Variants in IL6ST observed in about 807,000 individuals in gnomAD.
IL6ST encodes interleukin 6 cytokine family signal transducer.
A neutral mutation model predicts 91.3 loss-of-function variants in IL6ST; 24 were observed. The observed-to-expected ratio is 0.26, with a 90% CI of 0.19 to 0.37. IL6ST has a LOEUF of 0.37. IL6ST is among the 10% of genes least tolerant of loss of function. The probability of loss-of-function intolerance (pLI) is 1.00; values close to 1 mark genes in which losing one functional copy is unlikely to be tolerated. For missense variants in IL6ST, 914 were observed against 1,078.5 expected (o/e 0.85, Z 2.14); for synonymous variants, 351 against 373.6 (o/e 0.94, Z 0.70).
chr5:55,962,132 G>A (rs1410965202), intron 7 of IL6ST, among the ~76,000 whole-genome samples: 1 of 152,128 alleles, frequency 6.6e-6, no homozygotes, highest in Non-Finnish European at 1.5e-5. Context: ...CTTTTTTGTA[G>A]CACTGAATTA....
chr5:55,951,563 A>C lies in IL6ST; in HGVS notation c.1741T>G (p.Ser581Ala), dbSNP rs149607573. ...DSSHTEYTLSSLTSDTLYMVR... is the reference protein window; with the variant it reads ...DSSHTEYTLSALTSDTLYMVR... ...ATGTACAATGTGTCACTAGTCAAAGAGGACAATGTATATTCTGTGTGGGAA... is the reference window on the plus strand; with the variant it reads ...ATGTACAATGTGTCACTAGTCAAAGCGGACAATGTATATTCTGTGTGGGAA... Residue 581 changes from serine to alanine, a missense_variant, in exon 14 of 17, where the codon TCT becomes GCT. Coordinates refer to ENST00000381298, the MANE Select transcript of IL6ST (RefSeq NM_002184.4). 3 of 1,612,666 alleles carry C rather than the reference A, an allele frequency of 1.9e-6. No individual in the cohort carries two copies. In the African/African-American group the frequency reaches 4.0e-5, roughly 21 times the overall value.
intron 1 of IL6ST, among the ~76,000 whole-genome samples, chr5:55,983,767 C>CA (rs1753795430): frequency 1.3e-5 from 2 of 151,978 alleles, no homozygotes; most frequent in Admixed American, 1.3e-4. Context: ...GATATTCTTG[C>CA]AAAATTTTTT....
chr5:55,982,466 G>A (rs1346180880), intron 2 of IL6ST, among the ~76,000 whole-genome samples: 1 of 151,926 alleles, frequency 6.6e-6, no homozygotes, highest in African/African-American at 2.4e-5. Flanking sequence ...GCCAGAAGTT[G>A]GTAATACCTA....
At chr5:55,987,411 G>A (rs937367707) in intron 1 of IL6ST, among the ~76,000 whole-genome samples, 1 of 152,144 alleles carries the variant, frequency 6.6e-6, no homozygotes, top group Non-Finnish European at 1.5e-5. Flanking sequence ...ACAGACCAAA[G>A]GAAAATGACA....
chr5:55,952,843 C>CT (rs1751724392), intron 11 of IL6ST, among the ~76,000 whole-genome samples: 1 of 152,156 alleles, frequency 6.6e-6, no homozygotes, highest in South Asian at 2.1e-4. Flanking sequence ...GGGAGGATCA[C>CT]TTGAGGTTAG....
chr5:55,955,866 C>A, intron 10 of IL6ST, 159 bp downstream of exon 10: 1 of 440,482 alleles, frequency 2.3e-6, no homozygotes. Flanking sequence ...AAAAGAAAAT[C>A]ATTATTTATA....
chr5:55,979,033 C>T (rs1753486425), intron 2 of IL6ST, among the ~76,000 whole-genome samples: 1 of 152,088 alleles, frequency 6.6e-6, no homozygotes, highest in Non-Finnish European at 1.5e-5. Context: ...AATTGAATCA[C>T]AGCAATGAAA....
intron 1 of IL6ST, among the ~76,000 whole-genome samples, chr5:55,992,886 T>G (rs998908507): frequency 6.6e-6 from 1 of 152,214 alleles, no homozygotes; most frequent in African/African-American, 2.4e-5. Flanking sequence ...TCCTTGTAGT[T>G]TTTTTCGTAT....
At chr5:55,989,757 C>G (rs567540540) in intron 1 of IL6ST, among the ~76,000 whole-genome samples, 1 of 152,258 alleles carries the variant, frequency 6.6e-6, no homozygotes, top group African/African-American at 2.4e-5. Flanking sequence ...ATACCCAATT[C>G]AGACAGGGGC....
rs1251677978 is a variant in IL6ST, at chr5:55,960,385, T to C, written c.973+17A>G. 2 of 1,599,600 alleles carry C rather than the reference T, an allele frequency of 1.3e-6. No homozygotes were observed. Among genetic ancestry groups the C allele is most frequent in the Non-Finnish European group, 1.7e-6 (2 of 1,171,356 alleles). ...GAATTCCAATAGCTTTACTTCTTCATATACTTATGTACTTACTATCTTCAT... is the reference window on the plus strand; with the variant it reads ...GAATTCCAATAGCTTTACTTCTTCACATACTTATGTACTTACTATCTTCAT... On this transcript the variant is annotated intron_variant, in intron 8 of 16. Coordinates refer to ENST00000381298, the MANE Select transcript of IL6ST (RefSeq NM_002184.4).
intron 14 of IL6ST, chr5:55,950,173 A>T (rs4865999): frequency 2.0e-6 from 1 of 493,132 alleles, no homozygotes. Flanking sequence ...CGAGGGAGGG[A>T]AAATGTATTT....
In IL6ST at chr5:55,977,451, G is replaced by A. The variant is rs184393267; in HGVS notation, c.-15-1158C>T. Reference sequence around the variant, plus strand: ...CAGGGTTGCCTAGGGCTGAGGTAGAGAAGGCACACGTAAAAGGGCATAAAG... The same window carrying A: ...CAGGGTTGCCTAGGGCTGAGGTAGAAAAGGCACACGTAAAAGGGCATAAAG... On this transcript the variant is annotated intron_variant, in intron 2 of 16. Transcript: ENST00000381298. Among the ~76,000 whole-genome samples the A allele has an allele frequency of 2.6e-5, 4 of 152,212 alleles. No individual in the cohort carries two copies. The East Asian group carries it at 7.7e-4, about 29-fold the overall frequency.
At chr5:55,968,537 C>A (rs1174577121) in intron 4 of IL6ST, 141 bp from the exon 5 acceptor site, 5 of 684,146 alleles carry the variant, frequency 7.3e-6, no homozygotes, top group Non-Finnish European at 1.2e-5. Context: ...CAATGAAAGG[C>A]TGATGACAAT....
chr5:55,965,261 C>T (rs1252546456), intron 5 of IL6ST, among the ~76,000 whole-genome samples: 1 of 152,096 alleles, frequency 6.6e-6, no homozygotes, highest in African/African-American at 2.4e-5. Flanking sequence ...TATTATTCTG[C>T]AGCTGCTGTA....
chr5:55,971,218 T>C (rs1178329082), intron 3 of IL6ST, among the ~76,000 whole-genome samples: 1 of 152,240 alleles, frequency 6.6e-6, no homozygotes, highest in African/African-American at 2.4e-5. Context: ...CCAGGACAGA[T>C]ACTCTGTAGT....
At chr5:55,981,497 G>C (rs1753668589) in intron 2 of IL6ST, among the ~76,000 whole-genome samples, 1 of 152,026 alleles carries the variant, frequency 6.6e-6, no homozygotes, top group South Asian at 2.1e-4. Flanking sequence ...ACAAAAATTA[G>C]CCGGGCATGG....
chr5:55,983,869 C>A (rs1301362928), intron 1 of IL6ST, among the ~76,000 whole-genome samples: 2 of 152,118 alleles, frequency 1.3e-5, no homozygotes, highest in Non-Finnish European at 2.9e-5. Flanking sequence ...TGTTTTATAA[C>A]CTTTTTCACT....
chr5:55,979,994 T>C (rs752771729), intron 2 of IL6ST, among the ~76,000 whole-genome samples: 2 of 152,224 alleles, frequency 1.3e-5, no homozygotes, highest in Non-Finnish European at 2.9e-5. Flanking sequence ...TTATCTAAAA[T>C]ACATTGTTAC....
In IL6ST at chr5:55,951,604, G is replaced by T. The variant is rs1418380832; in HGVS notation, c.1700C>A (p.Ala567Asp). Residue 567 changes from alanine (A) to aspartate (D), a missense_variant and splice_region_variant, in exon 14 of 17, where the codon GCT (alanine) becomes GAT (aspartate). Coordinates refer to ENST00000381298, the MANE Select transcript of IL6ST (RefSeq NM_002184.4). ...FYRTIIGNET[A>D]VNVDSSHTEY... is the part of the protein sequence containing the mutation. Reference sequence around the variant, plus strand: ...TGTGTGGGAAGAATCCACATTCACAGCTGGAAGAAATAAGAACTGTGCTTC... The same window carrying T: ...TGTGTGGGAAGAATCCACATTCACATCTGGAAGAAATAAGAACTGTGCTTC... 2 of 1,608,464 alleles carry T rather than the reference G, an allele frequency of 1.2e-6. No individual in the cohort carries two copies. Among genetic ancestry groups the T allele is most frequent in the South Asian group, 2.2e-5 (2 of 89,198 alleles).
Sources: allele counts gnomAD v4.1 joint callset (sites outside exome capture counted in the v4.1 genomes callset), GRCh38; gene constraint gnomAD v4.1.1; transcripts MANE v1.5; gene names NCBI Gene and HGNC (gene_info 2026-07-23, HGNC 2026-07-21).